The following WDR49 variants were observed in gnomAD, a reference collection of about 807,000 sequenced individuals.
The protein encoded by WDR49 is WD repeat domain 49, also known as cilia- and flagella-associated protein 337.
In WDR49, 107 loss-of-function variants were observed where a neutral mutation model predicts 119.5. The ratio of observed to expected loss-of-function variants is 0.90; its 90% CI spans 0.77 to 1.05. WDR49 has a LOEUF of 1.05. Ranked by LOEUF, WDR49 falls within the 50% of genes least tolerant of loss-of-function variation. The probability of loss-of-function intolerance (pLI) is 0.00; values close to 1 mark genes in which losing one functional copy is unlikely to be tolerated. For synonymous variants in WDR49, 425 were observed against 418.8 expected, an observed-to-expected ratio of 1.01 and a Z score of -0.18; for missense variants, 1,240 against 1,220.5, an observed-to-expected ratio of 1.02 and a Z score of -0.24.
At position 167,609,700 on chromosome 3, in the gene WDR49, G is replaced by A. The variant is rs568624133; in HGVS notation, c.959-5232C>T. Among the ~76,000 whole-genome samples the A allele has an allele frequency of 2.6e-4, 40 of 152,288 alleles. No individual in the cohort carries two copies. In the South Asian group the frequency reaches 6.6e-3, roughly 25 times the overall value. ...ACTGAGGGGGCACACGACATACTGA[G>A]ACACCAGCTGGTGCAGCCAAGGGAG... On this transcript the variant is annotated intron_variant, in intron 5 of 18. Transcript: ENST00000682715.
chr3:167,546,703 A>G (rs1465004558), intron 10 of WDR49, among the ~76,000 whole-genome samples: 1 of 151,738 alleles, frequency 6.6e-6, no homozygotes, highest in Non-Finnish European at 1.5e-5. Flanking sequence ...AAAAAAAAAA[A>G]AAAGAAAAAT....
intron 2 of WDR49, among the ~76,000 whole-genome samples, chr3:167,648,947 T>TTG (rs1473034929): frequency 6.6e-6 from 1 of 152,218 alleles, no homozygotes; most frequent in Non-Finnish European, 1.5e-5. Context: ...TATTTTCTAA[T>TTG]TCTCAGCATT....
At chr3:167,519,291 A>C (rs1752336973) in intron 16 of WDR49, among the ~76,000 whole-genome samples, 1 of 152,184 alleles carries the variant, frequency 6.6e-6, no homozygotes, top group Non-Finnish European at 1.5e-5. Context: ...TACTGGGTAT[A>C]TACCCAAAGG....
At chr3:167,582,052 G>A (rs1390454072) in intron 7 of WDR49, among the ~76,000 whole-genome samples, 1 of 151,676 alleles carries the variant, frequency 6.6e-6, no homozygotes, top group Non-Finnish European at 1.5e-5. Context: ...GTGTGTGTGT[G>A]TGTGTGTGTG....
chr3:167,565,424 A>C (rs1055564330), intron 8 of WDR49, among the ~76,000 whole-genome samples: 7 of 150,758 alleles, frequency 4.6e-5, no homozygotes, highest in Admixed American at 1.3e-4. Context: ...TATATGTAAA[A>C]TGCATGTGTA....
chr3:167,589,651 TC>T (rs1715005741), intron 7 of WDR49, among the ~76,000 whole-genome samples: 1 of 152,194 alleles, frequency 6.6e-6, no homozygotes, highest in East Asian at 1.9e-4. Context: ...AATCCTTCAC[TC>T]TTTTGGTTAA....
Position 167,566,872 on chromosome 3 carries a change from G to A in WDR49, c.1510-6644C>T, listed in dbSNP as rs187587857. On this transcript the variant is annotated intron_variant, in intron 8 of 18. Coordinates refer to ENST00000682715, the MANE Select transcript of WDR49 (RefSeq NM_001366157.1). ...TCAATTATCATAAGGGTCTTCATTC[G>A]TGTCGTCTTCACATTGAGAAGGCTG... 9.6e-5 allele frequency: 66 copies of A among 686,156 alleles called. No homozygotes were observed. The East Asian group carries it at 1.7e-3, about 17-fold the overall frequency. 42.5% of individuals were successfully genotyped at this position (686,156 alleles called of 1,614,324 possible). A position where few individuals can be genotyped will look rare whatever the true frequency, so the allele number is the denominator to read the frequency against.
chr3:167,491,424 C>T (rs1017014976), intron 18 of WDR49, among the ~76,000 whole-genome samples: 2 of 152,064 alleles, frequency 1.3e-5, no homozygotes, highest in African/African-American at 4.8e-5. Flanking sequence ...CCCTCTCTTT[C>T]CTTCCTCTTG....
At chr3:167,631,081 A>C (rs1048965034) in intron 2 of WDR49, among the ~76,000 whole-genome samples, 12 of 151,912 alleles carry the variant, frequency 7.9e-5, no homozygotes, top group Middle Eastern at 3.4e-3. Flanking sequence ...TCACTTGGAC[A>C]CAGGGTGGGG....
At chr3:167,518,452 T>C (rs1488069083) in intron 16 of WDR49, among the ~76,000 whole-genome samples, 1 of 152,174 alleles carries the variant, frequency 6.6e-6, no homozygotes, top group African/African-American at 2.4e-5. Context: ...CATATCTCAC[T>C]GTGGTTTTGA....
At chr3:167,541,014 TA>T (rs1360723942) in intron 10 of WDR49, among the ~76,000 whole-genome samples, 2 of 151,608 alleles carry the variant, frequency 1.3e-5, no homozygotes, top group African/African-American at 2.4e-5. Flanking sequence ...AAATAATTTC[TA>T]AAAAAAATGA....
At chr3:167,552,668 G>C (rs147193786) in intron 10 of WDR49, among the ~76,000 whole-genome samples, 9 of 151,972 alleles carry the variant, frequency 5.9e-5, no homozygotes, top group Non-Finnish European at 1.3e-4. Flanking sequence ...AGCTTAGAGA[G>C]ATAAGACCTG....
chr3:167,604,778 G>A (rs545566970), intron 5 of WDR49, among the ~76,000 whole-genome samples: 56 of 152,182 alleles, frequency 3.7e-4, no homozygotes, highest in African/African-American at 1.2e-3. Context: ...TATAAAGGAG[G>A]TCCAAGGAAG....
At chr3:167,544,620 G>T (rs557196763) in intron 10 of WDR49, among the ~76,000 whole-genome samples, 1 of 152,182 alleles carries the variant, frequency 6.6e-6, no homozygotes, top group East Asian at 1.9e-4. Context: ...AACAAATGGT[G>T]CTAGGATAAT....
At chr3:167,546,468 G>A (rs1712207932) in intron 10 of WDR49, among the ~76,000 whole-genome samples, 1 of 151,752 alleles carries the variant, frequency 6.6e-6, no homozygotes, top group African/African-American at 2.4e-5. Flanking sequence ...AGTTCAGAAT[G>A]AGCCAATTTT....
intron 7 of WDR49, among the ~76,000 whole-genome samples, chr3:167,597,149 C>T (rs2108301451): frequency 6.6e-6 from 1 of 152,324 alleles, no homozygotes; most frequent in East Asian, 1.9e-4. Context: ...GGCCCAGGGT[C>T]CTGCTGCCTC....
chr3:167,609,201 C>G (rs1237167914), intron 5 of WDR49, among the ~76,000 whole-genome samples: 1 of 152,076 alleles, frequency 6.6e-6, no homozygotes, highest in Non-Finnish European at 1.5e-5. Context: ...ACAATCTACA[C>G]AGAAAAAAAC....
chr3:167,589,766 G>T (rs1715011338), intron 7 of WDR49, among the ~76,000 whole-genome samples: 1 of 151,982 alleles, frequency 6.6e-6, no homozygotes, highest in Admixed American at 6.6e-5. Flanking sequence ...TGATTATGTT[G>T]ATTTTGTATC....
At chr3:167,611,019 T>C (rs1716310777) in intron 5 of WDR49, among the ~76,000 whole-genome samples, 1 of 152,220 alleles carries the variant, frequency 6.6e-6, no homozygotes, top group Non-Finnish European at 1.5e-5. Flanking sequence ...TCACTGGTAA[T>C]GATAAGTGCA....
Sources: allele counts gnomAD v4.1 joint callset (sites outside exome capture counted in the v4.1 genomes callset), GRCh38; gene constraint gnomAD v4.1.1; transcripts MANE v1.5; gene names NCBI Gene and HGNC (gene_info 2026-07-23, HGNC 2026-07-21).